The following FAM120B variants were observed in gnomAD, a reference collection of about 807,000 sequenced individuals.
FAM120B encodes the protein family with sequence similarity 120 member B.
Under a neutral mutation model 96.3 loss-of-function variants are expected in FAM120B, and 83 were observed. The ratio of observed to expected loss-of-function variants is 0.86; its 90% CI spans 0.72 to 1.03. The LOEUF (loss-of-function observed/expected upper bound fraction) is 1.03. FAM120B is among the 50% of genes least tolerant of loss of function. The probability of loss-of-function intolerance (pLI) is 0.00; values close to 1 mark genes in which losing one functional copy is unlikely to be tolerated. For synonymous variants in FAM120B, 407 were observed against 402.7 expected (o/e 1.01, Z -0.13); for missense variants, 1,027 against 1,121.2 (o/e 0.92, Z 1.20).
At chr6:170,311,342 A>G (rs1784577384) in intron 1 of FAM120B, among the ~76,000 whole-genome samples, 1 of 152,210 alleles carries the variant, frequency 6.6e-6, no homozygotes, top group Non-Finnish European at 1.5e-5. Flanking sequence ...TTCCCTTAAA[A>G]TAGGTTCTAG....
intron 4 of FAM120B, among the ~76,000 whole-genome samples, chr6:170,347,516 A>C (rs1787271731): frequency 6.6e-6 from 1 of 152,248 alleles, no homozygotes; most frequent in Admixed American, 6.5e-5. Flanking sequence ...TGAAACACTA[A>C]AAATTACATT....
intron 5 of FAM120B, among the ~76,000 whole-genome samples, chr6:170,352,774 T>C (rs977337708): frequency 1.3e-5 from 2 of 152,090 alleles, no homozygotes; most frequent in African/African-American, 4.8e-5. Context: ...TTTATAGCAC[T>C]AAATGCTGGA....
chr6:170,396,368 T>G (rs1778162956), intron 9 of FAM120B, among the ~76,000 whole-genome samples: 1 of 152,180 alleles, frequency 6.6e-6, no homozygotes, highest in Non-Finnish European at 1.5e-5. Flanking sequence ...TTGAGTACCG[T>G]GTCCTTTCCT....
chr6:170,388,476 G>T lies in FAM120B; in HGVS notation c.2473G>T (p.Val825Phe). ...ATCTGAAAAGGGTTATGCTGTGGAG[G>T]TTCTTTTAGAACAAAATGTGAGTTC... ...LQSEKGYAVEVLLEQNRSRLT... is the reference protein window; with the variant it reads ...LQSEKGYAVEFLLEQNRSRLT... The change falls in exon 7 of 11, where the codon GTT becomes TTT. Residue 825 changes from valine (V) to phenylalanine (F), a missense_variant. This residue lies in a region of FAM120B where 142 missense variants were observed against 122.5 expected (regional missense o/e 1.16). Coordinates refer to ENST00000476287, the MANE Select transcript of FAM120B (RefSeq NM_032448.3). The T allele has an allele frequency of 1.2e-6, 2 of 1,614,134 alleles. No homozygotes were observed. The highest frequency in any genetic ancestry group is 1.7e-6 in the Non-Finnish European group (2 of 1,180,004).
intron 6 of FAM120B, among the ~76,000 whole-genome samples, chr6:170,384,625 T>G (rs1442533233): frequency 6.6e-6 from 1 of 152,158 alleles, no homozygotes; most frequent in Non-Finnish European, 1.5e-5. Flanking sequence ...ATGCACAGTT[T>G]CCAGATGCAT....
intron 6 of FAM120B, among the ~76,000 whole-genome samples, chr6:170,380,740 G>A (rs1789855301): frequency 6.6e-6 from 1 of 152,142 alleles, no homozygotes. Context: ...ACATATTTTG[G>A]ATGTTAGCCC....
intron 10 of FAM120B, 36 bp from the exon 11 acceptor site, chr6:170,404,727 G>A: frequency 1.4e-6 from 1 of 736,044 alleles, no homozygotes; most frequent in Non-Finnish European, 2.3e-6. Flanking sequence ...CTGGTGCCGA[G>A]TTAACTTGGT....
At chr6:170,360,871 C>T (rs1788312226) in intron 6 of FAM120B, among the ~76,000 whole-genome samples, 1 of 152,066 alleles carries the variant, frequency 6.6e-6, no homozygotes, top group Non-Finnish European at 1.5e-5. Flanking sequence ...ACTCAGCAGC[C>T]CTGCTGGCTC....
chr6:170,361,208 A>ATATG lies in FAM120B; in HGVS notation c.2283+2893_2283+2894insGTAT, dbSNP rs1554286393. Among the ~76,000 whole-genome samples, 209 of 79,140 alleles carry ATATG rather than the reference A, an allele frequency of 2.6e-3. 2 individuals are homozygous for ATATG. Among genetic ancestry groups the ATATG allele is most frequent in the African/African-American group, 9.8e-3 (200 of 20,314 alleles). 51.9% of individuals were successfully genotyped at this position (79,140 alleles called of 152,430 possible). A position where few individuals can be genotyped will look rare whatever the true frequency, so the allele number is the denominator to read the frequency against. On this transcript the variant is annotated intron_variant, in intron 6 of 10. Transcript: ENST00000476287. Reference sequence around the variant, plus strand: ...TATATATATATACGTGTATATATATATATATATATATATATATATATATAT... The same window carrying ATATG: ...TATATATATATACGTGTATATATATATATGTATATATATATATATATATATATAT...
At chr6:170,306,594 G>C (rs1314213048), upstream of FAM120B, 1 of 152,190 alleles carries the variant, frequency 6.6e-6, no homozygotes, top group Non-Finnish European at 1.5e-5. Flanking sequence ...GGCGTCCCAC[G>C]CCGCCGGCGC....
rs1233688910 is a variant in FAM120B at position 170,318,041 on chromosome 6, C to G, written c.651C>G (p.Leu217=). The change falls in exon 2 of 11, where the codon CTC becomes CTG. Residue 217 remains leucine (L), a synonymous_variant. Transcript: ENST00000476287. ...AGAAGCTCTGTGAGAGTCTGGGCCT[C>G]TGTGTGGCCGACCTTCCTCTTCTGG... ...CREKLCESLG[L]CVADLPLLAC... 6.2e-7 allele frequency: 1 copy of G among 1,614,062 alleles called. No individual in the cohort carries two copies. Among genetic ancestry groups the G allele is most frequent in the African/African-American group, 1.3e-5 (1 of 74,942 alleles).
intron 6 of FAM120B, among the ~76,000 whole-genome samples, chr6:170,382,703 G>A (rs1011956866): frequency 1.8e-4 from 28 of 152,214 alleles, no homozygotes; most frequent in Non-Finnish European, 2.6e-4. Context: ...AGGCTCAGCA[G>A]AGACGTGGGT....
intron 5 of FAM120B, among the ~76,000 whole-genome samples, chr6:170,357,975 CGTGTGCCTGTGTGTACACCTGTGT>C (rs1172328382): frequency 1.6e-4 from 25 of 151,992 alleles, no homozygotes; most frequent in Non-Finnish European, 3.2e-4. Context: ...TGCACCTGTG[CGTGTGCCTGTGTGTACACCTGTGT>C]GTGTACATGT....
intron 3 of FAM120B, among the ~76,000 whole-genome samples, chr6:170,328,976 C>T (rs1785807072): frequency 6.6e-6 from 1 of 152,232 alleles, no homozygotes; most frequent in African/African-American, 2.4e-5. Context: ...CAGGGCCTTC[C>T]AGGCTATCAC....
intron 4 of FAM120B, 156 bp downstream of exon 4, chr6:170,330,706 A>G (rs1785963713): frequency 4.8e-6 from 3 of 629,604 alleles, no homozygotes; most frequent in African/African-American, 3.7e-5. Flanking sequence ...TCCATCTAAC[A>G]AAGTCCCAAA....
chr6:170,303,214 A>T (rs181410671), upstream of FAM120B, among the ~76,000 whole-genome samples: 407 of 152,274 alleles, frequency 2.7e-3, 3 homozygotes, highest in Middle Eastern at 0.01. Flanking sequence ...TTTCTTTTGT[A>T]TATGAGAGAA....
chr6:170,346,201 A>G (rs1387912847), intron 4 of FAM120B, among the ~76,000 whole-genome samples: 3 of 149,980 alleles, frequency 2.0e-5, no homozygotes, highest in Non-Finnish European at 4.4e-5. Context: ...TTTTTTTTGT[A>G]TTAAATTTTC....
At chr6:170,355,397 C>G (rs74579549) in intron 5 of FAM120B, among the ~76,000 whole-genome samples, 9 of 152,176 alleles carry the variant, frequency 5.9e-5, no homozygotes, top group Non-Finnish European at 4.4e-5. Context: ...TAAAAAGGAA[C>G]TACATCATGT....
intron 5 of FAM120B, among the ~76,000 whole-genome samples, chr6:170,349,343 C>T (rs150778328): frequency 1.3e-5 from 2 of 152,178 alleles, no homozygotes; most frequent in Admixed American, 6.5e-5. Context: ...CTGGAATAGA[C>T]AATTATATAA....
Sources: allele counts gnomAD v4.1 joint callset (sites outside exome capture counted in the v4.1 genomes callset), GRCh38; gene constraint gnomAD v4.1.1; regional missense constraint gnomAD v4.1.1; transcripts MANE v1.5; gene names NCBI Gene and HGNC (gene_info 2026-07-23, HGNC 2026-07-21).